Variants in TAOK3 observed in about 807,000 individuals in gnomAD.
TAOK3 encodes serine/threonine-protein kinase TAO3.
A neutral mutation model predicts 120.4 loss-of-function variants in TAOK3; 40 were observed. The ratio of observed to expected loss-of-function variants is 0.33; its 90% confidence interval spans 0.26 to 0.43. TAOK3 has a LOEUF of 0.43. Among genes scored for constraint, TAOK3 ranks in the 20% least tolerant of loss-of-function variants. The probability of loss-of-function intolerance (pLI) is 1.00; values close to 1 mark genes in which losing one functional copy is unlikely to be tolerated. For synonymous variants in TAOK3, 355 were observed against 387.5 expected, an observed-to-expected ratio of 0.92 and a Z score of 0.99; for missense variants, 821 against 1,112.1, an observed-to-expected ratio of 0.74 and a Z score of 3.72.
intron 11 of TAOK3, among the ~76,000 whole-genome samples, chr12:118,202,678 A>C (rs1253606519): frequency 6.6e-6 from 1 of 152,140 alleles, no homozygotes; most frequent in East Asian, 1.9e-4. Flanking sequence ...AAGTAATAAA[A>C]AAATCACTAG....
chr12:118,302,058 G>C (rs1201284955), intron 1 of TAOK3, among the ~76,000 whole-genome samples: 1 of 152,140 alleles, frequency 6.6e-6, no homozygotes, highest in Non-Finnish European at 1.5e-5. Context: ...GTCCAGTATG[G>C]TGGGGTTTTT....
chr12:118,277,996 T>G (rs1412682094), intron 1 of TAOK3, among the ~76,000 whole-genome samples: 1 of 152,166 alleles, frequency 6.6e-6, no homozygotes, highest in Non-Finnish European at 1.5e-5. Flanking sequence ...GTTTGTGGTT[T>G]TGTTTACAAA....
intron 1 of TAOK3, among the ~76,000 whole-genome samples, chr12:118,276,250 G>C (rs1017213740): frequency 6.6e-6 from 1 of 152,180 alleles, no homozygotes; most frequent in Non-Finnish European, 1.5e-5. Context: ...GGTGCTGGTG[G>C]TAGAGGTAAT....
intron 1 of TAOK3, among the ~76,000 whole-genome samples, chr12:118,337,655 C>A (rs981086131): frequency 6.6e-6 from 1 of 152,092 alleles, no homozygotes; most frequent in African/African-American, 2.4e-5. Flanking sequence ...GAAAAAAATC[C>A]ACAAAGGTTA....
chr12:118,159,385 A>G (rs530099482), intron 19 of TAOK3, among the ~76,000 whole-genome samples: 1 of 149,014 alleles, frequency 6.7e-6, no homozygotes, highest in African/African-American at 2.5e-5. Flanking sequence ...ATCTCAGCTC[A>G]CTGCAACCTC....
chr12:118,309,873 A>C (rs576250775), intron 1 of TAOK3, among the ~76,000 whole-genome samples: 1 of 152,060 alleles, frequency 6.6e-6, no homozygotes, highest in African/African-American at 2.4e-5. Flanking sequence ...GATTATCCAC[A>C]ATTATTATTG....
At chr12:118,221,463 G>A (rs982716076) in intron 9 of TAOK3, among the ~76,000 whole-genome samples, 6 of 152,064 alleles carry the variant, frequency 3.9e-5, no homozygotes, top group Non-Finnish European at 8.8e-5. Context: ...CTGACCTCAG[G>A]TGAACCACCT....
At chr12:118,232,946 T>C (rs1378891933) in intron 9 of TAOK3, among the ~76,000 whole-genome samples, 3 of 152,070 alleles carry the variant, frequency 2.0e-5, no homozygotes, top group East Asian at 3.8e-4. Flanking sequence ...TAAAGACACA[T>C]GCACACGCAT....
chr12:118,252,676 A>C (rs566708414), intron 3 of TAOK3, among the ~76,000 whole-genome samples: 2 of 151,936 alleles, frequency 1.3e-5, no homozygotes, highest in South Asian at 2.1e-4. Context: ...CTGACTACAC[A>C]CTAACAAGGG....
intron 1 of TAOK3, chr12:118,283,749 A>G: frequency 4.9e-6 from 1 of 205,712 alleles, no homozygotes; most frequent in Non-Finnish European, 1.0e-5. Flanking sequence ...CAAAACAACA[A>G]CAACAACAAC....
At chr12:118,301,951 G>T (rs1263443774) in intron 1 of TAOK3, among the ~76,000 whole-genome samples, 1 of 151,972 alleles carries the variant, frequency 6.6e-6, no homozygotes, top group Non-Finnish European at 1.5e-5. Flanking sequence ...TTCTCCTCAG[G>T]CTATTCCTCT....
Position 118,222,811 on chromosome 12 carries a change from C to T in TAOK3, c.644-8701G>A, listed in dbSNP as rs940075726. 3.9e-5 allele frequency among the ~76,000 whole-genome samples: 6 copies of T among 151,930 alleles called. No homozygotes were observed. In the East Asian group the frequency reaches 9.7e-4, roughly 24 times the overall value. ...GGAGGGGGTGTGGGATAAAAGACTA[C>T]GTATTGGGTACAATGTACAGTACTC... On this transcript the variant is annotated intron_variant, in intron 9 of 20. Transcript: ENST00000392533.
rs199608892 is a variant in TAOK3 at position 118,322,718 on chromosome 12, C to CTTT, written c.-194+49927_-194+49929dup. ...CCCAAACATTAAAAAATTTAAAAAC[C>CTTT]TTTTTTTTTTTTTTTTTTTTTTTTT... is the stretch of plus-strand genomic sequence containing the variant. On this transcript the variant is annotated intron_variant, in intron 1 of 20. Coordinates refer to ENST00000392533, the MANE Select transcript of TAOK3 (RefSeq NM_016281.4). Among the ~76,000 whole-genome samples, 519 of 93,798 alleles carry CTTT rather than the reference C, an allele frequency of 5.5e-3. 1 individual carries two copies. The highest frequency in any genetic ancestry group is 7.2e-3 in the Non-Finnish European group (374 of 52,210). The allele number at this position is 93,798 out of a possible 152,430, so 61.5% of individuals were successfully genotyped here.
At chr12:118,318,747 G>T (rs1380611537) in intron 1 of TAOK3, among the ~76,000 whole-genome samples, 1 of 152,270 alleles carries the variant, frequency 6.6e-6, no homozygotes, top group Middle Eastern at 3.4e-3. Flanking sequence ...CAAAGGAAAT[G>T]AAATGAATAT....
At chr12:118,209,553 C>A (rs1193849679) in intron 11 of TAOK3, among the ~76,000 whole-genome samples, 1 of 152,016 alleles carries the variant, frequency 6.6e-6, no homozygotes, top group Non-Finnish European at 1.5e-5. Flanking sequence ...TGTGAACCAC[C>A]ATGCCTGGCT....
intron 8 of TAOK3, among the ~76,000 whole-genome samples, chr12:118,234,723 A>T (rs184624516): frequency 1.3e-5 from 2 of 152,318 alleles, no homozygotes; most frequent in South Asian, 2.1e-4. Context: ...CTTTTAAAAT[A>T]ATTAAACAAC....
At chr12:118,355,546 A>C (rs2141259731) in intron 1 of TAOK3, among the ~76,000 whole-genome samples, 1 of 152,288 alleles carries the variant, frequency 6.6e-6, no homozygotes, top group Admixed American at 6.5e-5. Context: ...GGTAGTACAC[A>C]ATGTGGTAAG....
At chr12:118,192,826 T>C (rs990441728) in intron 13 of TAOK3, among the ~76,000 whole-genome samples, 9 of 152,232 alleles carry the variant, frequency 5.9e-5, no homozygotes, top group African/African-American at 1.9e-4. Context: ...TATGCAGTTA[T>C]GCACTAGATA....
intron 1 of TAOK3, among the ~76,000 whole-genome samples, chr12:118,306,417 A>T (rs1421901224): frequency 4.6e-5 from 7 of 152,036 alleles, no homozygotes; most frequent in Non-Finnish European, 4.4e-5. Context: ...GGCTCAAGTG[A>T]TCCTCCTGTC....
Sources: gnomAD v4.1 joint callset for allele counts (sites outside exome capture counted in the v4.1 genomes callset) on GRCh38, gnomAD v4.1.1 for gene constraint, MANE v1.5 for transcripts, NCBI Gene and HGNC (gene_info 2026-07-23, HGNC 2026-07-21) for gene names.